IL26: variants seen among roughly 807,000 people sequenced by gnomAD.
IL26 encodes interleukin 26.
IL26 carries 23 observed loss-of-function variants against 21.7 expected under a neutral mutation model. That is an observed-to-expected ratio of 1.06 (90% CI 0.76 to 1.50). IL26 has a LOEUF of 1.50. Ranked by LOEUF, IL26 falls within the 40% of genes most tolerant of loss-of-function variation. The probability of loss-of-function intolerance (pLI) is 0.00; values close to 1 mark genes in which losing one functional copy is unlikely to be tolerated. For synonymous variants in IL26, 63 were observed against 67.8 expected (o/e 0.93, Z 0.34); for missense variants, 204 against 196.0 (o/e 1.04, Z -0.24).
In IL26 at chr12:68,220,479, G is replaced by A. The variant is rs141678175; in HGVS notation, c.363+4670C>T. Among the ~76,000 whole-genome samples, 281 of 152,186 alleles carry A rather than the reference G, an allele frequency of 1.8e-3. 1 individual carries two copies. Among genetic ancestry groups the A allele is most frequent in the Admixed American group, 6.0e-3 (91 of 15,290 alleles). On this transcript the variant is annotated intron_variant, in intron 3 of 4. Coordinates refer to ENST00000229134, the MANE Select transcript of IL26 (RefSeq NM_018402.2). Reference sequence around the variant, plus strand: ...TCAATAGATGTGTTAAAAAGGCATTGATCTAAATGTGATATTTAAAATGAG... The same window carrying A: ...TCAATAGATGTGTTAAAAAGGCATTAATCTAAATGTGATATTTAAAATGAG...
rs777553129 is a variant in IL26 at position 68,201,852 on chromosome 12, C to A, written c.509G>T (p.Ser170Ile). Reference sequence around the variant, plus strand: ...AATGTACTTGGCTTTGGTTTACTGACTGCTTTCCAATAATTTTTTAATCCA... The same window carrying A: ...AATGTACTTGGCTTTGGTTTACTGAATGCTTTCCAATAATTTTTTAATCCA... ...LSWIKKLLES[S>I]Q The change falls in exon 5 of 5, where the codon AGT becomes ATT. Residue 170 changes from serine to isoleucine, a missense_variant. By Grantham distance (142) the Ser-to-Ile change is moderately radical. Transcript: ENST00000229134. 6.3e-7 allele frequency: 1 copy of A among 1,589,360 alleles called. No homozygotes were observed. Among genetic ancestry groups the A allele is most frequent in the Non-Finnish European group, 8.5e-7 (1 of 1,171,430 alleles).
intron 3 of IL26, among the ~76,000 whole-genome samples, chr12:68,212,357 C>T (rs186448564): frequency 6.6e-6 from 1 of 152,044 alleles, no homozygotes; most frequent in East Asian, 1.9e-4. Context: ...ATTGCTTTGG[C>T]TTTTGGGGGG....
intron 3 of IL26, among the ~76,000 whole-genome samples, chr12:68,205,333 C>A (rs1022343370): frequency 7.5e-6 from 1 of 132,922 alleles, no homozygotes; most frequent in African/African-American, 2.8e-5. Context: ...AACATTAGAC[C>A]CCCCCCAAAT....
intron 3 of IL26, among the ~76,000 whole-genome samples, chr12:68,219,642 C>A (rs1357230704): frequency 2.0e-5 from 3 of 151,328 alleles, no homozygotes; most frequent in African/African-American, 7.3e-5. Flanking sequence ...AGTTAATGAC[C>A]CAAGTTTCTA....
chr12:68,225,414 T>G (rs1170423395), intron 2 of IL26, 30 bp downstream of exon 2: 1 of 1,540,698 alleles, frequency 6.5e-7, no homozygotes, highest in African/African-American at 1.4e-5. Flanking sequence ...TAAGTGGAAA[T>G]GTAAAAAAGA....
At chr12:68,204,852 A>G (rs1868490917) in intron 3 of IL26, among the ~76,000 whole-genome samples, 1 of 152,238 alleles carries the variant, frequency 6.6e-6, no homozygotes, top group East Asian at 1.9e-4. Flanking sequence ...CCACAGGTCC[A>G]GTAGGATGGC....
At chr12:68,223,287 A>C (rs745816783) in intron 3 of IL26, among the ~76,000 whole-genome samples, 4 of 152,126 alleles carry the variant, frequency 2.6e-5, no homozygotes, top group Non-Finnish European at 5.9e-5. Flanking sequence ...AGCGAGATTG[A>C]TGAGATGATG....
intron 3 of IL26, among the ~76,000 whole-genome samples, chr12:68,212,469 T>C (rs1868761270): frequency 6.6e-6 from 1 of 152,150 alleles, no homozygotes; most frequent in Non-Finnish European, 1.5e-5. Flanking sequence ...AATCTGTAGA[T>C]AGCTTTGGGT....
At chr12:68,211,101 C>A (rs1233562398) in intron 3 of IL26, among the ~76,000 whole-genome samples, 1 of 152,178 alleles carries the variant, frequency 6.6e-6, no homozygotes, top group Non-Finnish European at 1.5e-5. Flanking sequence ...CCTACCTCTC[C>A]CAGCCTCTGC....
At chr12:68,205,218 G>GCACT (rs1868504027) in intron 3 of IL26, among the ~76,000 whole-genome samples, 1 of 151,950 alleles carries the variant, frequency 6.6e-6, no homozygotes, top group Non-Finnish European at 1.5e-5. Flanking sequence ...CTGCCATATA[G>GCACT]CACTGATTTA....
At chr12:68,206,160 ATTG>A (rs1052854610) in intron 3 of IL26, among the ~76,000 whole-genome samples, 2 of 152,210 alleles carry the variant, frequency 1.3e-5, no homozygotes, top group African/African-American at 4.8e-5. Flanking sequence ...GCAGGAATTT[ATTG>A]TTTCAGGCTT....
chr12:68,214,669 C>T lies in IL26; in HGVS notation c.363+10480G>A, dbSNP rs1868824653. Among the ~76,000 whole-genome samples, 5 of 152,074 alleles carry T rather than the reference C, an allele frequency of 3.3e-5. No homozygotes were observed. The South Asian group carries it at 1.0e-3, about 32-fold the overall frequency. Reference sequence around the variant, plus strand: ...CTAGTCCTGCTCTTTTTTTGGTTTCCATTTGCATGGAATATCTTTTATCCA... The same window carrying T: ...CTAGTCCTGCTCTTTTTTTGGTTTCTATTTGCATGGAATATCTTTTATCCA... On this transcript the variant is annotated intron_variant, in intron 3 of 4. Coordinates refer to ENST00000229134, the MANE Select transcript of IL26 (RefSeq NM_018402.2).
intron 3 of IL26, among the ~76,000 whole-genome samples, chr12:68,202,622 A>G (rs1166971145): frequency 1.3e-5 from 2 of 152,170 alleles, no homozygotes; most frequent in Admixed American, 6.5e-5. Flanking sequence ...ATCAGATTTC[A>G]TGAGAATTCA....
intron 3 of IL26, among the ~76,000 whole-genome samples, chr12:68,203,491 C>A (rs1039772053): frequency 2.6e-5 from 4 of 152,116 alleles, no homozygotes; most frequent in African/African-American, 7.2e-5. Flanking sequence ...GTCCTATGCT[C>A]GTGACAAAAT....
At position 68,201,763 on chromosome 12, in the gene IL26, G is replaced by T; in HGVS notation, c.*82C>A. ...GTATTATGTTAAAAAGTTTTTAAAA[G>T]AAATAGACTGTTATAAACATATTTC... On this transcript the variant is annotated 3_prime_UTR_variant, in exon 5 of 5. Transcript: ENST00000229134. 2 of 950,338 alleles carry T rather than the reference G, an allele frequency of 2.1e-6. No individual in the cohort carries two copies. The highest frequency in any genetic ancestry group is 1.6e-6 in the Non-Finnish European group (1 of 641,540). The allele number at this position is 950,338 out of a possible 1,614,324, so 58.9% of individuals were successfully genotyped here. A position where few individuals can be genotyped will look rare whatever the true frequency, so the allele number is the denominator to read the frequency against.
chr12:68,202,051 T>C lies in IL26; in HGVS notation c.396A>G (p.Lys132=), dbSNP rs1020685616. The C allele has an allele frequency of 1.9e-6, 3 of 1,587,762 alleles. No individual in the cohort carries two copies. The highest frequency in any genetic ancestry group is 2.6e-6 in the Non-Finnish European group (3 of 1,162,414). The change falls in exon 4 of 5, where the codon AAA becomes AAG. Residue 132 remains lysine (K), a synonymous_variant. Transcript: ENST00000229134. The part of the protein sequence containing the change: ...ISCASSAREM[K]SITRMKRIFY... ...ATATTCTTTTCATCCTGGTAATGGA[T>C]TTCATCTCTCTAGCTGATGAAGCAC... is the stretch of plus-strand genomic sequence containing the variant.
chr12:68,209,615 T>C (rs1174463604), intron 3 of IL26, among the ~76,000 whole-genome samples: 1 of 152,156 alleles, frequency 6.6e-6, no homozygotes, highest in Non-Finnish European at 1.5e-5. Context: ...TCCACCCTTT[T>C]GCACAGAGCT....
rs1869218604 is a variant in IL26 at position 68,225,508 on chromosome 12, A to T, written c.172-8T>A. The T allele has an allele frequency of 1.9e-6, 3 of 1,597,694 alleles. No individual in the cohort carries two copies. In the East Asian group the frequency reaches 6.7e-5, roughly 36 times the overall value. ...ATTTTTTATGCGGTCTTCCTACAATAATACAAAGAGAAATAAGTTGTATCC... is the reference window on the plus strand; with the variant it reads ...ATTTTTTATGCGGTCTTCCTACAATTATACAAAGAGAAATAAGTTGTATCC... On this transcript the variant is annotated splice_region_variant and splice_polypyrimidine_tract_variant and intron_variant, in intron 1 of 4. Transcript: ENST00000229134.
intron 3 of IL26, among the ~76,000 whole-genome samples, chr12:68,219,148 G>A (rs1405808845): frequency 6.6e-6 from 1 of 151,890 alleles, no homozygotes; most frequent in Non-Finnish European, 1.5e-5. Flanking sequence ...AGTTAATAAA[G>A]AGAGAGAAAA....
Sources: gnomAD v4.1 joint callset for allele counts (sites outside exome capture counted in the v4.1 genomes callset) on GRCh38, gnomAD v4.1.1 for gene constraint, MANE v1.5 for transcripts, NCBI Gene and HGNC (gene_info 2026-07-23, HGNC 2026-07-21) for gene names.